Variants in PDE1B observed in about 807,000 individuals in gnomAD.
PDE1B encodes the protein dual specificity calcium/calmodulin-dependent 3',5'-cyclic nucleotide phosphodiesterase 1B.
PDE1B carries 13 observed loss-of-function variants against 66.7 expected under a neutral mutation model. The observed-to-expected ratio is 0.19, with a 90% CI of 0.13 to 0.31. The LOEUF (loss-of-function observed/expected upper bound fraction) is 0.31. Among genes scored for constraint, PDE1B ranks in the 10% least tolerant of loss-of-function variants. The pLI is 1.00. For missense variants in PDE1B, 485 were observed against 682.3 expected, an observed-to-expected ratio of 0.71 and a Z score of 3.22; for synonymous variants, 230 against 253.9, an observed-to-expected ratio of 0.91 and a Z score of 0.90.
chr12:54,577,182 T>C (rs1957771121), intron 14 of PDE1B, 43 bp from the exon 15 acceptor site: 1 of 1,515,410 alleles, frequency 6.6e-7, no homozygotes, highest in East Asian at 2.3e-5. Flanking sequence ...TGGGGAAGAA[T>C]ACTTCTTGGC....
chr12:54,554,040 T>C (rs59037623), intron 2 of PDE1B, among the ~76,000 whole-genome samples: 161 of 152,252 alleles, frequency 1.1e-3, no homozygotes, highest in African/African-American at 3.7e-3. Flanking sequence ...GTCCTAGTTA[T>C]GAGATGATGT....
chr12:54,566,931 G>A lies in PDE1B; in HGVS notation c.114-43G>A, dbSNP rs368344585. 9.0e-6 allele frequency: 9 copies of A among 1,002,716 alleles called. No individual in the cohort carries two copies. The East Asian group carries it at 9.6e-5, about 11-fold the overall frequency. The allele number at this position is 1,002,716 out of a possible 1,614,324, so 62.1% of individuals were successfully genotyped here. ...AGGGAGTATGCTGTTCTCATGATAA[G>A]GTAGCTGTGCCTAAGCAGCCTCTCT... On this transcript the variant is annotated intron_variant, in intron 2 of 15. Coordinates refer to ENST00000243052, the MANE Select transcript of PDE1B (RefSeq NM_000924.4).
At chr12:54,568,603 G>C (rs1565699834) in intron 3 of PDE1B, among the ~76,000 whole-genome samples, 1 of 152,044 alleles carries the variant, frequency 6.6e-6, no homozygotes, top group Non-Finnish European at 1.5e-5. Context: ...CCAGCACTTT[G>C]GGAGGCTGAG....
rs1592359863 is a variant in PDE1B, at chr12:54,549,854, C to G, written c.-13-6C>G. The G allele has an allele frequency of 6.3e-7, 1 of 1,594,064 alleles. No homozygotes were observed. The highest frequency in any genetic ancestry group is 8.6e-7 in the Non-Finnish European group (1 of 1,162,498). On this transcript the variant is annotated splice_polypyrimidine_tract_variant and splice_region_variant and intron_variant, in intron 1 of 15. Coordinates refer to ENST00000243052, the MANE Select transcript of PDE1B (RefSeq NM_000924.4). ...CGAGGTGCTGTCTCCTCCTTCTGTT[C>G]CGTAGACCGTGGCTGAGCATGGAGC...
intron 10 of PDE1B, chr12:54,574,748 A>G (rs986811705): frequency 3.3e-5 from 6 of 180,516 alleles, no homozygotes; most frequent in Non-Finnish European, 7.0e-5. Flanking sequence ...AGGCAGGTGG[A>G]TAGCTTGAGG....
At chr12:54,558,017 A>G (rs1957363153) in intron 2 of PDE1B, among the ~76,000 whole-genome samples, 1 of 151,450 alleles carries the variant, frequency 6.6e-6, no homozygotes, top group African/African-American at 2.4e-5. Context: ...CTGGGTTCTT[A>G]TTGGTCTGGG....
intron 15 of PDE1B, 71 bp from the exon 16 acceptor site, chr12:54,577,789 T>A: frequency 2.4e-6 from 1 of 410,042 alleles, no homozygotes. Flanking sequence ...GGATCAGGAC[T>A]TGGAGAAGGA....
intron 6 of PDE1B, chr12:54,570,571 G>A (rs988686131): frequency 1.6e-5 from 9 of 545,750 alleles, no homozygotes; most frequent in African/African-American, 7.6e-5. Flanking sequence ...GGAGATTCTC[G>A]GTCTGCAACC....
chr12:54,554,330 T>C (rs771026103), intron 2 of PDE1B: 2 of 152,212 alleles, frequency 1.3e-5, no homozygotes, highest in Non-Finnish European at 2.9e-5. Context: ...TAAACTATGG[T>C]TCCCTGGACC....
At position 54,561,717 on chromosome 12, in the gene PDE1B, G is replaced by C. The variant is rs768000030; in HGVS notation, c.114-5257G>C. ...ATGGATCCACCAGTTGTAGTTTAGT[G>C]AAGTGGAGAGATCAAGACCTGGCAG... On this transcript the variant is annotated intron_variant, in intron 2 of 15. Coordinates refer to ENST00000243052, the MANE Select transcript of PDE1B (RefSeq NM_000924.4). The C allele has an allele frequency of 1.1e-4, 113 of 1,022,642 alleles. No individual in the cohort carries two copies. The Middle Eastern group carries it at 1.4e-3, about 13-fold the overall frequency. 63.3% of individuals were successfully genotyped at this position (1,022,642 alleles called of 1,614,324 possible).
chr12:54,557,595 C>G (rs1957358110), intron 2 of PDE1B, among the ~76,000 whole-genome samples: 1 of 152,204 alleles, frequency 6.6e-6, no homozygotes, highest in Non-Finnish European at 1.5e-5. Context: ...GTGCTGGGAC[C>G]AGACCCAAAT....
chr12:54,572,740 T>C lies in PDE1B; in HGVS notation c.734T>C (p.Val245Ala), dbSNP rs762281645. Residue 245 changes from valine to alanine, a missense_variant and splice_region_variant, in exon 7 of 16, where the codon GTG (valine) becomes GCG (alanine). Physicochemically the swap from Val to Ala is moderately conservative, Grantham distance 64. Transcript: ENST00000243052. ...VHCFLLRTGM[V>A]HCLSEIELLA... The stretch of plus-strand genomic sequence containing the variant: ...TGCTTCTTGCTCCGCACAGGGATGG[T>C]GGTAGGTGCCCTGGAGATGATTCTT... 1.9e-6 allele frequency: 3 copies of C among 1,613,874 alleles called. No homozygotes were observed.
chr12:54,575,999 C>A lies in PDE1B; in HGVS notation c.1275C>A (p.Ile425=). 6.2e-7 allele frequency: 1 copy of A among 1,610,262 alleles called. No individual in the cohort carries two copies. The highest frequency in any genetic ancestry group is 8.5e-7 in the Non-Finnish European group (1 of 1,176,422). ...ATTGCTCCTCCACTGCAGGGTTCAT[C>A]GACTTCATTGTGGAGCCCACATTCT... The part of the protein sequence containing the change: ...TLVAQSQIGF[I]DFIVEPTFSV... The change falls in exon 13 of 16, where the codon ATC becomes ATA. Residue 425 remains isoleucine (I), a synonymous_variant. Coordinates refer to ENST00000243052, the MANE Select transcript of PDE1B (RefSeq NM_000924.4). This position sits in a 1 kb window ranked among gnomAD's most constrained non-coding sequence, Gnocchi z 4.0.
Position 54,579,201 on chromosome 12 carries a change from C to T in PDE1B, c.*1359C>T. 2 of 975,434 alleles carry T rather than the reference C, an allele frequency of 2.1e-6. No homozygotes were observed. The highest frequency in any genetic ancestry group is 2.4e-6 in the Non-Finnish European group (2 of 820,934). 60.4% of individuals were successfully genotyped at this position (975,434 alleles called of 1,614,324 possible). A position where few individuals can be genotyped will look rare whatever the true frequency, so the allele number is the denominator to read the frequency against. ...ACCCCTGCCCTTGGTTTCCCAGACCCCTGCTATAGCCAGAGAACAATAAAG... is the reference window on the plus strand; with the variant it reads ...ACCCCTGCCCTTGGTTTCCCAGACCTCTGCTATAGCCAGAGAACAATAAAG... On this transcript the variant is annotated 3_prime_UTR_variant, in exon 16 of 16. Transcript: ENST00000243052.
At position 54,577,246 on chromosome 12, in the gene PDE1B, T is replaced by C. The variant is rs1321739803; in HGVS notation, c.1529T>C (p.Ile510Thr). Reference protein sequence around the residue: ...AASGITNQMSIDELSPCEEEA... With the variant: ...AASGITNQMSTDELSPCEEEA... Reference sequence around the variant, plus strand: ...ACAGGCATCACCAACCAGATGTCCATTGACGAGCTGTCCCCCTGTGAAGAA... The same window carrying C: ...ACAGGCATCACCAACCAGATGTCCACTGACGAGCTGTCCCCCTGTGAAGAA... The change falls in exon 15 of 16, where the codon ATT becomes ACT. Residue 510 changes from isoleucine (I) to threonine (T), a missense_variant. By Grantham distance (89) the Ile-to-Thr change is moderately conservative. This residue lies in a region of PDE1B where 126 missense variants were observed against 133.8 expected (regional missense o/e 0.94). Transcript: ENST00000243052. The C allele has an allele frequency of 3.1e-6, 5 of 1,613,908 alleles. No homozygotes were observed. Among genetic ancestry groups the C allele is most frequent in the African/African-American group, 1.3e-5 (1 of 74,906 alleles).
chr12:54,566,257 G>T (rs1416951821), intron 2 of PDE1B, among the ~76,000 whole-genome samples: 1 of 152,220 alleles, frequency 6.6e-6, no homozygotes, highest in Non-Finnish European at 1.5e-5. Flanking sequence ...CTTCAGTGGG[G>T]ACAGAGGCAG....
At chr12:54,559,234 A>T (rs957447881) in intron 2 of PDE1B, among the ~76,000 whole-genome samples, 1 of 32,780 alleles carries the variant, frequency 3.1e-5, no homozygotes, top group Non-Finnish European at 6.5e-5. Flanking sequence ...ACCCCCACCC[A>T]CCCCCACCCC....
rs1237849425 is a variant in PDE1B at position 54,573,926 on chromosome 12, C to T, written c.1064+217C>T. Reference sequence around the variant, plus strand: ...GTGTGTGTGTGTCCTTACGTTTACTCACAGCCTTGGCAGCTGATCCACTGG... The same window carrying T: ...GTGTGTGTGTGTCCTTACGTTTACTTACAGCCTTGGCAGCTGATCCACTGG... On this transcript the variant is annotated intron_variant, in intron 10 of 15. Transcript: ENST00000243052. This position sits in a 1 kb window ranked among gnomAD's most constrained non-coding sequence, Gnocchi z 5.2. The T allele has an allele frequency of 1.8e-6, 1 of 552,686 alleles. No homozygotes were observed. Among genetic ancestry groups the T allele is most frequent in the Non-Finnish European group, 3.2e-6 (1 of 309,876 alleles). The allele number at this position is 552,686 out of a possible 1,614,324, so 34.2% of individuals were successfully genotyped here.
intron 2 of PDE1B, among the ~76,000 whole-genome samples, chr12:54,560,085 G>C (rs774311378): frequency 4.6e-5 from 7 of 152,068 alleles, no homozygotes; most frequent in Non-Finnish European, 8.8e-5. Context: ...TCCCTCCCAA[G>C]ATCTGCAGCA....
Sources: allele counts gnomAD v4.1 joint callset (sites outside exome capture counted in the v4.1 genomes callset), GRCh38; gene constraint gnomAD v4.1.1; regional missense constraint gnomAD v4.1.1; non-coding constraint Gnocchi (gnomAD v3.1); transcripts MANE v1.5; gene names NCBI Gene and HGNC (gene_info 2026-07-23, HGNC 2026-07-21).